The following COL22A1 variants were observed in gnomAD, a reference collection of about 807,000 sequenced individuals.
COL22A1 encodes collagen type XXII alpha 1 chain.
In COL22A1, 221 loss-of-function variants were observed where a neutral mutation model predicts 248.9. The observed-to-expected ratio is 0.89, with a 90% CI of 0.80 to 0.99. The LOEUF (loss-of-function observed/expected upper bound fraction) is 0.99, where lower values mean the gene tolerates loss of function less well. Among genes scored for constraint, COL22A1 ranks in the 50% least tolerant of loss-of-function variants. The pLI is 0.00. For missense variants in COL22A1, 2,240 were observed against 2,179.0 expected, an observed-to-expected ratio of 1.03 and a Z score of -0.56; for synonymous variants, 891 against 793.4, an observed-to-expected ratio of 1.12 and a Z score of -2.07.
intron 23 of COL22A1, among the ~76,000 whole-genome samples, chr8:138,732,275 G>A (rs1005775450): frequency 6.6e-6 from 1 of 152,196 alleles, no homozygotes; most frequent in Non-Finnish European, 1.5e-5. Flanking sequence ...AGAATAAAAC[G>A]CAAGAAGCGA....
At chr8:138,820,196 G>C (rs145000565) in intron 7 of COL22A1, among the ~76,000 whole-genome samples, 73 of 152,234 alleles carry the variant, frequency 4.8e-4, no homozygotes, top group Admixed American at 2.1e-3. Context: ...TATCCTATGC[G>C]TAATGGTACT....
rs371235477 is a variant in COL22A1, at chr8:138,619,428, C to T, written c.3825+27G>A. The T allele has an allele frequency of 2.6e-4, 419 of 1,610,718 alleles. 3 individuals are homozygous for T. The South Asian group carries it at 3.6e-3, about 14-fold the overall frequency. On this transcript the variant is annotated intron_variant, in intron 53 of 64. Transcript: ENST00000303045. ...ATGTAGCTGATGGGCTTGGTTCTACCGTTCCCCACACACACTACACACTTA... is the reference window on the plus strand; with the variant it reads ...ATGTAGCTGATGGGCTTGGTTCTACTGTTCCCCACACACACTACACACTTA...
chr8:138,591,498 T>C lies in COL22A1; in HGVS notation c.4619A>G (p.Glu1540Gly). ...ACCTGGGTCACCTTTGGCTCCTCGC[T>C]CACCTGGGAAGAAAAACATGCACTT... ...GPSGPIGPKG[E>G]RGAKGDPGAP... Residue 1540 changes from glutamate to glycine, a missense_variant, in exon 64 of 65, where the codon GAG becomes GGG. By Grantham distance (98) the Glu-to-Gly change is moderately conservative (BLOSUM62 -2). Transcript: ENST00000303045. 6.5e-7 allele frequency: 1 copy of C among 1,542,888 alleles called. No homozygotes were observed. The highest frequency in any genetic ancestry group is 8.8e-7 in the Non-Finnish European group (1 of 1,142,166).
In COL22A1 at chr8:138,762,393, C is replaced by G; in HGVS notation, c.1857+20G>C. ...TGACCGCTGATGAAACCTAGCCCAA[C>G]AGCGCCAGCACCCACCTACCTGCTG... On this transcript the variant is annotated intron_variant, in intron 17 of 64. Transcript: ENST00000303045. The G allele has an allele frequency of 6.2e-7, 1 of 1,613,666 alleles. No homozygotes were observed. The highest frequency in any genetic ancestry group is 1.1e-5 in the South Asian group (1 of 91,060).
intron 41 of COL22A1, among the ~76,000 whole-genome samples, chr8:138,676,038 G>T (rs1022777281): frequency 2.0e-5 from 3 of 152,090 alleles, no homozygotes; most frequent in African/African-American, 7.2e-5. Flanking sequence ...ATAACTCAAA[G>T]TTTTAGCAAC....
At chr8:138,728,422 CA>C (rs1830478046) in intron 23 of COL22A1, among the ~76,000 whole-genome samples, 1 of 152,090 alleles carries the variant, frequency 6.6e-6, no homozygotes, top group Non-Finnish European at 1.5e-5. Flanking sequence ...TCTTTGTTAG[CA>C]GTCTGAATGA....
chr8:138,727,571 T>C (rs185593726), intron 23 of COL22A1, among the ~76,000 whole-genome samples: 1 of 152,188 alleles, frequency 6.6e-6, no homozygotes, highest in East Asian at 1.9e-4. Flanking sequence ...GGGCGAGAAA[T>C]ACCAAAAAAT....
In COL22A1 at chr8:138,826,642, C is replaced by G; in HGVS notation, c.969+16G>C. 6.2e-7 allele frequency: 1 copy of G among 1,613,290 alleles called. No homozygotes were observed. Among genetic ancestry groups the G allele is most frequent in the South Asian group, 1.1e-5 (1 of 91,032 alleles). ...AAAGCTCAGGACCACTGAGATAAGG[C>G]ATCTGCTGCCCTTACCTGTGGGATG... On this transcript the variant is annotated intron_variant, in intron 6 of 64. Transcript: ENST00000303045.
chr8:138,794,945 C>T lies in COL22A1; in HGVS notation c.1596+1874G>A, dbSNP rs138368770. 2.4e-3 allele frequency among the ~76,000 whole-genome samples: 366 copies of T among 152,140 alleles called. 3 individuals carry two copies. The highest frequency in any genetic ancestry group is 8.2e-3 in the African/African-American group (342 of 41,526). On this transcript the variant is annotated intron_variant, in intron 12 of 64. Transcript: ENST00000303045. ...AGATGCCAATTAATGGGCAAAAAATCTCAGTTAAGCAAAACGAATGCATTC... is the reference window on the plus strand; with the variant it reads ...AGATGCCAATTAATGGGCAAAAAATTTCAGTTAAGCAAAACGAATGCATTC...
chr8:138,620,910 T>C (rs182895309), intron 52 of COL22A1, among the ~76,000 whole-genome samples: 9 of 152,128 alleles, frequency 5.9e-5, no homozygotes, highest in Non-Finnish European at 7.4e-5. Context: ...TGTATCCATC[T>C]ATCCATCCAT....
At chr8:138,819,892 C>T (rs770300487) in intron 7 of COL22A1, among the ~76,000 whole-genome samples, 2 of 151,886 alleles carry the variant, frequency 1.3e-5, no homozygotes, top group African/African-American at 2.4e-5. Flanking sequence ...AAGAAATGCT[C>T]TCAATTAATC....
At chr8:138,829,807 A>T (rs1726047953) in intron 5 of COL22A1, among the ~76,000 whole-genome samples, 1 of 152,252 alleles carries the variant, frequency 6.6e-6, no homozygotes, top group Admixed American at 6.5e-5. Flanking sequence ...CTTTCTTCTT[A>T]TACCTTTGAA....
rs1816772437 is a variant in COL22A1 at position 138,588,283 on chromosome 8, T to A, written c.*970A>T. ...ATTGAGCACCTGTTCAGGCAGGGCA[T>A]GTCGCATACACACATGCACTTGATG... On this transcript the variant is annotated 3_prime_UTR_variant, in exon 65 of 65. Transcript: ENST00000303045. 1 of 152,222 alleles carries A rather than the reference T, an allele frequency of 6.6e-6. No homozygotes were observed. The highest frequency in any genetic ancestry group is 1.5e-5 in the Non-Finnish European group (1 of 68,034). 9.4% of individuals were successfully genotyped at this position (152,222 alleles called of 1,614,324 possible). A position where few individuals can be genotyped will look rare whatever the true frequency, so the allele number is the denominator to read the frequency against.
intron 55 of COL22A1, among the ~76,000 whole-genome samples, chr8:138,614,214 C>A (rs1246925305): frequency 1.3e-5 from 2 of 152,158 alleles, no homozygotes; most frequent in Admixed American, 6.5e-5. Context: ...ATAAGATAAG[C>A]AATCAGAGGA....
intron 30 of COL22A1, among the ~76,000 whole-genome samples, chr8:138,714,229 G>GCA (rs1179025769): frequency 7.2e-5 from 11 of 152,102 alleles, no homozygotes; most frequent in Non-Finnish European, 1.6e-4. Context: ...TGTAGGTTAG[G>GCA]CGTGTATCAA....
rs775326883 is a variant in COL22A1 at position 138,589,239 on chromosome 8, C to T, written c.*14G>A. 1 of 1,611,260 alleles carries T rather than the reference C, an allele frequency of 6.2e-7. No individual in the cohort carries two copies. Among genetic ancestry groups the T allele is most frequent in the Non-Finnish European group, 8.5e-7 (1 of 1,178,798 alleles). On this transcript the variant is annotated 3_prime_UTR_variant, in exon 65 of 65. Coordinates refer to ENST00000303045, the MANE Select transcript of COL22A1 (RefSeq NM_152888.3). ...TCAGAAATCCACTGCAGTCTTCTGG[C>T]TTTCCAGAGTCCTTTAGGGACCCTT... is the stretch of plus-strand genomic sequence containing the variant.
At chr8:138,797,466 C>T (rs1816646141) in intron 11 of COL22A1, among the ~76,000 whole-genome samples, 1 of 152,180 alleles carries the variant, frequency 6.6e-6, no homozygotes, top group Non-Finnish European at 1.5e-5. Context: ...ACATTGTACG[C>T]ATATGACATA....
intron 10 of COL22A1, among the ~76,000 whole-genome samples, chr8:138,806,007 ACGGTG>A (rs1817597728): frequency 3.8e-3 from 54 of 14,340 alleles, no homozygotes; most frequent in Middle Eastern, 0.045. Flanking sequence ...TGTGTGTGTG[ACGGTG>A]TAGGTAATGG....
rs372012042 is a variant in COL22A1 at position 138,663,773 on chromosome 8, T to G, written c.3151-33A>C. Reference sequence around the variant, plus strand: ...CAAACAAACAAGTATGTAAGCAAAGTAGAAATGGCATGCTGATGTAAACAA... The same window carrying G: ...CAAACAAACAAGTATGTAAGCAAAGGAGAAATGGCATGCTGATGTAAACAA... On this transcript the variant is annotated intron_variant, in intron 41 of 64. Transcript: ENST00000303045. 5 of 1,559,970 alleles carry G rather than the reference T, an allele frequency of 3.2e-6. No homozygotes were observed. The African/African-American group carries it at 5.4e-5, about 17-fold the overall frequency.
Sources: gnomAD v4.1 joint callset for allele counts (sites outside exome capture counted in the v4.1 genomes callset) on GRCh38, gnomAD v4.1.1 for gene constraint, MANE v1.5 for transcripts, NCBI Gene and HGNC (gene_info 2026-07-23, HGNC 2026-07-21) for gene names.